IFNGR2: variants seen among roughly 807,000 people sequenced by gnomAD.
The protein encoded by IFNGR2 is interferon gamma receptor 2.
IFNGR2 carries 15 observed loss-of-function variants against 41.1 expected under a neutral mutation model. That is an observed-to-expected ratio of 0.37 (90% CI 0.24 to 0.56). IFNGR2 has a LOEUF of 0.56. Ranked by LOEUF, IFNGR2 falls within the 20% of genes least tolerant of loss-of-function variation. The pLI is 0.81. For missense variants in IFNGR2, 362 were observed against 415.7 expected, an observed-to-expected ratio of 0.87 and a Z score of 1.12; for synonymous variants, 161 against 171.6, an observed-to-expected ratio of 0.94 and a Z score of 0.48.
At chr21:33,421,346 A>AG in intron 2 of IFNGR2, 134 bp from the exon 3 acceptor site, 1 of 674,142 alleles carries the variant, frequency 1.5e-6, no homozygotes, top group East Asian at 2.7e-5. Flanking sequence ...AAAAAAAAAA[A>AG]AAAAGCGGGG....
At chr21:33,412,121 G>A (rs1373232484) in intron 1 of IFNGR2, among the ~76,000 whole-genome samples, 2 of 152,090 alleles carry the variant, frequency 1.3e-5, no homozygotes, top group African/African-American at 4.8e-5. Context: ...CTAGGTTAGT[G>A]ATAATGTGTT....
chr21:33,415,129 C>G (rs766492531), intron 2 of IFNGR2, 109 bp downstream of exon 2: 5 of 1,318,706 alleles, frequency 3.8e-6, no homozygotes, highest in Non-Finnish European at 4.3e-6. Context: ...TTATCAAACC[C>G]GTGGGAAACA....
intron 4 of IFNGR2, among the ~76,000 whole-genome samples, chr21:33,430,226 T>A (rs555956750): frequency 3.3e-5 from 5 of 152,348 alleles, no homozygotes; most frequent in African/African-American, 1.2e-4. Flanking sequence ...AGGGCATTAG[T>A]GTTAGGCCTG....
chr21:33,437,125 G>GA lies in IFNGR2; in HGVS notation c.*163_*164insA. On this transcript the variant is annotated 3_prime_UTR_variant, in exon 7 of 7. Coordinates refer to ENST00000290219, the MANE Select transcript of IFNGR2 (RefSeq NM_005534.4). ...ACAGCAGGTCTCATGGGGGTGACAAGCTTTTTTTTTTTTTCTTAAAGAATT... is the reference window on the plus strand; with the variant it reads ...ACAGCAGGTCTCATGGGGGTGACAAGACTTTTTTTTTTTTTCTTAAAGAATT... 1 of 575,560 alleles carries GA rather than the reference G, an allele frequency of 1.7e-6. No homozygotes were observed. Among genetic ancestry groups the GA allele is most frequent in the Admixed American group, 3.2e-5 (1 of 31,686 alleles). 35.7% of individuals were successfully genotyped at this position (575,560 alleles called of 1,614,324 possible).
intron 1 of IFNGR2, among the ~76,000 whole-genome samples, chr21:33,407,677 C>T (rs2083685958): frequency 6.6e-6 from 1 of 152,174 alleles, no homozygotes; most frequent in African/African-American, 2.4e-5. Flanking sequence ...CTCACTGCAA[C>T]CTCTATCTCC....
At chr21:33,429,420 CAA>C (rs2083866863) in intron 4 of IFNGR2, among the ~76,000 whole-genome samples, 1 of 152,228 alleles carries the variant, frequency 6.6e-6, no homozygotes, top group South Asian at 2.1e-4. Context: ...CTCACGGGTT[CAA>C]GAGATTTTCC....
intron 1 of IFNGR2, among the ~76,000 whole-genome samples, chr21:33,414,387 G>C (rs775833287): frequency 3.3e-5 from 5 of 152,220 alleles, no homozygotes; most frequent in Non-Finnish European, 5.9e-5. Flanking sequence ...ACGTGTGCAC[G>C]TATTTGCGGA....
At chr21:33,427,209 G>C (rs145912007) in intron 4 of IFNGR2, among the ~76,000 whole-genome samples, 177 bp downstream of exon 4, 3 of 152,074 alleles carry the variant, frequency 2.0e-5, no homozygotes, top group African/African-American at 7.2e-5. Flanking sequence ...TTTTCCACTC[G>C]GTTTGCTGAG....
intron 1 of IFNGR2, among the ~76,000 whole-genome samples, chr21:33,412,255 G>A (rs1418268579): frequency 6.6e-6 from 1 of 152,146 alleles, no homozygotes; most frequent in Non-Finnish European, 1.5e-5. Context: ...TTTTCTCATG[G>A]CCCAATAACA....
intron 1 of IFNGR2, among the ~76,000 whole-genome samples, chr21:33,412,059 G>A (rs1379788235): frequency 6.6e-6 from 1 of 152,160 alleles, no homozygotes; most frequent in African/African-American, 2.4e-5. Context: ...GAGCAGCTGG[G>A]ACTACAGGTG....
At chr21:33,418,881 C>T (rs1487425763) in intron 2 of IFNGR2, among the ~76,000 whole-genome samples, 1 of 152,180 alleles carries the variant, frequency 6.6e-6, no homozygotes, top group Non-Finnish European at 1.5e-5. Flanking sequence ...CAGCAAGGCC[C>T]CTTCCAGATC....
At chr21:33,417,447 T>A (rs965228860) in intron 2 of IFNGR2, among the ~76,000 whole-genome samples, 1 of 152,198 alleles carries the variant, frequency 6.6e-6, no homozygotes, top group Non-Finnish European at 1.5e-5. Flanking sequence ...AAACAGGTGC[T>A]AAACTGAGGT....
chr21:33,403,760 G>T (rs1019483086), intron 1 of IFNGR2, 144 bp downstream of exon 1: 6 of 472,786 alleles, frequency 1.3e-5, no homozygotes, highest in Non-Finnish European at 1.9e-5. Context: ...TGGTGGGTGG[G>T]ATATGCGGAG....
intron 1 of IFNGR2, 56 bp downstream of exon 1, chr21:33,403,672 G>T: frequency 8.2e-7 from 1 of 1,217,900 alleles, no homozygotes; most frequent in South Asian, 2.3e-5. Context: ...AGCATGTGGG[G>T]GCTGGGGGAC....
intron 1 of IFNGR2, among the ~76,000 whole-genome samples, chr21:33,412,230 C>G (rs1009920667): frequency 6.6e-6 from 1 of 152,186 alleles, no homozygotes; most frequent in African/African-American, 2.4e-5. Context: ...CTGGAAAGAG[C>G]CGGGTCCAGC....
intron 1 of IFNGR2, among the ~76,000 whole-genome samples, chr21:33,409,860 T>A (rs1257615440): frequency 6.6e-6 from 1 of 152,186 alleles, no homozygotes; most frequent in Non-Finnish European, 1.5e-5. Flanking sequence ...ATTTTGACAG[T>A]TGAGCCAAAA....
chr21:33,406,051 TAAAA>T (rs951388708), intron 1 of IFNGR2, among the ~76,000 whole-genome samples: 1 of 144,032 alleles, frequency 6.9e-6, no homozygotes, highest in Non-Finnish European at 1.5e-5. Context: ...AACAAACAAA[TAAAA>T]AAACTGGCTC....
intron 1 of IFNGR2, among the ~76,000 whole-genome samples, chr21:33,406,513 CAAAACACAAAGTG>C (rs1029190538): frequency 8.6e-5 from 13 of 151,920 alleles, no homozygotes; most frequent in African/African-American, 3.1e-4. Flanking sequence ...CTCTTTTAGT[CAAAACACAAAGTG>C]AAAATATTCA....
At chr21:33,431,339 G>T (rs978444497) in intron 4 of IFNGR2, among the ~76,000 whole-genome samples, 1 of 152,130 alleles carries the variant, frequency 6.6e-6, no homozygotes. Context: ...GGAGGCCGAG[G>T]CAGGTGGATC....
Sources: allele counts gnomAD v4.1 joint callset (sites outside exome capture counted in the v4.1 genomes callset), GRCh38; gene constraint gnomAD v4.1.1; transcripts MANE v1.5; gene names NCBI Gene and HGNC (gene_info 2026-07-23, HGNC 2026-07-21).